PARD6B: variants seen among roughly 807,000 people sequenced by gnomAD.
The protein encoded by PARD6B is partitioning defective 6 homolog beta.
PARD6B carries 4 observed loss-of-function variants against 10.5 expected under a neutral mutation model. The ratio of observed to expected loss-of-function variants is 0.38; its 90% CI spans 0.19 to 0.87. The LOEUF (loss-of-function observed/expected upper bound fraction) is 0.87, where lower values mean the gene tolerates loss of function less well. Among genes scored for constraint, PARD6B ranks in the 40% least tolerant of loss-of-function variants. The probability of loss-of-function intolerance (pLI) is 0.41; values close to 1 mark genes in which losing one functional copy is unlikely to be tolerated. For synonymous variants in PARD6B, 169 were observed against 170.4 expected, an observed-to-expected ratio of 0.99 and a Z score of 0.07; for missense variants, 396 against 470.6, an observed-to-expected ratio of 0.84 and a Z score of 1.47.
Position 50,752,451 on chromosome 20 carries a change from G to A in PARD6B, c.*1963G>A. Reference sequence around the variant, plus strand: ...AGTTTATCACTATTAATTTTATGAGGCTATTTATTACTTTCCAATGCATCC... The same window carrying A: ...AGTTTATCACTATTAATTTTATGAGACTATTTATTACTTTCCAATGCATCC... On this transcript the variant is annotated 3_prime_UTR_variant, in exon 3 of 3. Transcript: ENST00000371610. The A allele has an allele frequency of 1.0e-6, 1 of 985,550 alleles. No homozygotes were observed. Among genetic ancestry groups the A allele is most frequent in the Non-Finnish European group, 1.2e-6 (1 of 829,758 alleles). 61.1% of individuals were successfully genotyped at this position (985,550 alleles called of 1,614,324 possible).
At chr20:50,745,657 C>A (rs2087563948) in intron 2 of PARD6B, among the ~76,000 whole-genome samples, 1 of 152,254 alleles carries the variant, frequency 6.6e-6, no homozygotes, top group Non-Finnish European at 1.5e-5. Context: ...AAACAAACCA[C>A]CATGCCCAGC....
In PARD6B at chr20:50,751,589, G is replaced by A. The variant is rs374753508; in HGVS notation, c.*1101G>A. On this transcript the variant is annotated 3_prime_UTR_variant, in exon 3 of 3. Coordinates refer to ENST00000371610, the MANE Select transcript of PARD6B (RefSeq NM_032521.3). ...TCTCAATCTCCTGACCTCCTGATCC[G>A]CCCGCCTCGGCCTCCCAAAGTGCTG... The A allele has an allele frequency of 2.1e-4, 200 of 964,164 alleles. 1 individual carries two copies. The African/African-American group carries it at 2.6e-3, about 13-fold the overall frequency. 59.7% of individuals were successfully genotyped at this position (964,164 alleles called of 1,614,324 possible). A position where few individuals can be genotyped will look rare whatever the true frequency, so the allele number is the denominator to read the frequency against.
At position 50,753,353 on chromosome 20, in the gene PARD6B, T is replaced by A. The variant is rs987379680; in HGVS notation, c.*2865T>A. ...TAGATCCTGGTTATACGATAAAATA[T>A]CAGCTCATTGGTAGGCTGAATCAAT... On this transcript the variant is annotated 3_prime_UTR_variant, in exon 3 of 3. Coordinates refer to ENST00000371610, the MANE Select transcript of PARD6B (RefSeq NM_032521.3). The A allele has an allele frequency of 1.0e-6, 1 of 985,456 alleles. No individual in the cohort carries two copies. The highest frequency in any genetic ancestry group is 1.7e-5 in the African/African-American group (1 of 57,360). 61.0% of individuals were successfully genotyped at this position (985,456 alleles called of 1,614,324 possible).
intron 2 of PARD6B, among the ~76,000 whole-genome samples, chr20:50,747,786 G>T (rs543471770): frequency 1.9e-3 from 290 of 151,890 alleles, no homozygotes; most frequent in Non-Finnish European, 3.1e-3. Context: ...ATTTAATTAG[G>T]CGGCAGTATT....
At chr20:50,743,532 T>C (rs1176271203) in intron 2 of PARD6B, among the ~76,000 whole-genome samples, 1 of 152,086 alleles carries the variant, frequency 6.6e-6, no homozygotes, top group East Asian at 1.9e-4. Context: ...TGAATCAGGG[T>C]TTAAAGTTGT....
rs1004781474 is a variant in PARD6B at position 50,753,456 on chromosome 20, CTG to C, written c.*2971_*2972del. The stretch of plus-strand genomic sequence containing the variant: ...TTATAGTACTAAATGTCAAGCCTAA[CTG>C]TGAATTTTGTTCTGTATCTTAAGTA... On this transcript the variant is annotated 3_prime_UTR_variant, in exon 3 of 3. Transcript: ENST00000371610. The C allele has an allele frequency of 8.3e-5, 81 of 981,362 alleles. No homozygotes were observed. The highest frequency in any genetic ancestry group is 1.6e-4 in the African/African-American group (9 of 57,116). 60.8% of individuals were successfully genotyped at this position (981,362 alleles called of 1,614,324 possible).
intron 2 of PARD6B, among the ~76,000 whole-genome samples, chr20:50,748,227 C>G (rs2087579972): frequency 6.6e-6 from 1 of 152,210 alleles, no homozygotes; most frequent in African/African-American, 2.4e-5. Flanking sequence ...CCTGTAATCC[C>G]AAGCCACTTG....
At chr20:50,740,391 ATGTGACAGAATTTTG>A (rs1186320849) in intron 2 of PARD6B, among the ~76,000 whole-genome samples, 2 of 152,254 alleles carry the variant, frequency 1.3e-5, no homozygotes, top group Non-Finnish European at 2.9e-5. Flanking sequence ...AAGTATTGCC[ATGTGACAGAATTTTG>A]TTGGATTATC....
chr20:50,746,790 G>A (rs927327217), intron 2 of PARD6B, among the ~76,000 whole-genome samples: 17 of 152,160 alleles, frequency 1.1e-4, no homozygotes, highest in African/African-American at 3.9e-4. Flanking sequence ...TGTAGGCAAC[G>A]TAATACTGTT....
chr20:50,743,369 A>C (rs931925217), intron 2 of PARD6B, among the ~76,000 whole-genome samples: 3 of 152,178 alleles, frequency 2.0e-5, no homozygotes, highest in Non-Finnish European at 4.4e-5. Context: ...GAACACTAGA[A>C]AGGCTTTGCT....
intron 2 of PARD6B, among the ~76,000 whole-genome samples, chr20:50,749,439 G>A (rs763987880): frequency 6.6e-6 from 1 of 151,996 alleles, no homozygotes; most frequent in Admixed American, 6.6e-5. Context: ...TTCAACATTG[G>A]TTTATTTTGT....
At chr20:50,749,602 A>C in intron 2 of PARD6B, 57 bp from the exon 3 acceptor site, 1 of 1,394,832 alleles carries the variant, frequency 7.2e-7, no homozygotes, top group East Asian at 2.4e-5. Context: ...ATTCAGCTGC[A>C]AGTGAATAGA....
chr20:50,752,852 C>T lies in PARD6B; in HGVS notation c.*2364C>T. 10 of 980,988 alleles carry T rather than the reference C, an allele frequency of 1.0e-5. No individual in the cohort carries two copies. Among genetic ancestry groups the T allele is most frequent in the Non-Finnish European group, 1.2e-5 (10 of 825,486 alleles). The allele number at this position is 980,988 out of a possible 1,614,324, so 60.8% of individuals were successfully genotyped here. A position where few individuals can be genotyped will look rare whatever the true frequency, so the allele number is the denominator to read the frequency against. On this transcript the variant is annotated 3_prime_UTR_variant, in exon 3 of 3. Transcript: ENST00000371610. Reference sequence around the variant, plus strand: ...TTATCAGTAAACTATTAACTGACTGCACATTATGTAATACGTTGTACTTTT... The same window carrying T: ...TTATCAGTAAACTATTAACTGACTGTACATTATGTAATACGTTGTACTTTT...
At chr20:50,748,599 T>C (rs138715267) in intron 2 of PARD6B, among the ~76,000 whole-genome samples, 2,191 of 152,298 alleles carry the variant, frequency 0.014, 15 homozygotes, top group Non-Finnish European at 0.024. Context: ...GTGATCATAG[T>C]GCGCTGCAGA....
intron 2 of PARD6B, among the ~76,000 whole-genome samples, chr20:50,748,275 C>T (rs1043796553): frequency 2.0e-5 from 3 of 152,186 alleles, no homozygotes; most frequent in East Asian, 3.9e-4. Context: ...ACCTGGGAGG[C>T]GGGGGTGGCA....
intron 2 of PARD6B, among the ~76,000 whole-genome samples, chr20:50,739,712 C>G (rs2087520257): frequency 6.6e-6 from 1 of 152,004 alleles, no homozygotes; most frequent in Non-Finnish European, 1.5e-5. Flanking sequence ...AGATGGATCT[C>G]AAAGGTAATT....
Position 50,737,947 on chromosome 20 carries a change from A to G in PARD6B, c.157A>G (p.Ile53Val). 3.1e-6 allele frequency: 5 copies of G among 1,613,648 alleles called. No individual in the cohort carries two copies. The highest frequency in any genetic ancestry group is 4.2e-6 in the Non-Finnish European group (5 of 1,179,888). The change falls in exon 2 of 3, where the codon ATC (isoleucine) becomes GTC (valine). Residue 53 changes from isoleucine to valine, a missense_variant. Ile to Val is a conservative substitution (Grantham distance 29, BLOSUM62 3). Transcript: ENST00000371610. ...FYGLLQHVHK[I>V]PNVDVLVGYA... ...TGGATTACTACAACATGTTCATAAG[A>G]TCCCCAATGTTGACGTTTTGGTAGG...
chr20:50,747,489 C>CTTTCTT (rs2087574684), intron 2 of PARD6B, among the ~76,000 whole-genome samples: 1 of 33,354 alleles, frequency 3.0e-5, no homozygotes, highest in Non-Finnish European at 5.1e-5. Context: ...TTCTTTCTTT[C>CTTTCTT]TTTTTTTTTT....
Position 50,752,264 on chromosome 20 carries a change from T to A in PARD6B, c.*1776T>A. The A allele has an allele frequency of 1.0e-6, 1 of 985,806 alleles. No homozygotes were observed. The highest frequency in any genetic ancestry group is 1.2e-6 in the Non-Finnish European group (1 of 829,920). The allele number at this position is 985,806 out of a possible 1,614,324, so 61.1% of individuals were successfully genotyped here. ...TTAATGCATCCAAGTATGCATCATT[T>A]TGGATAAAAAATACATCCAAATTAA... On this transcript the variant is annotated 3_prime_UTR_variant, in exon 3 of 3. Transcript: ENST00000371610.
Sources: allele counts gnomAD v4.1 joint callset (sites outside exome capture counted in the v4.1 genomes callset), GRCh38; gene constraint gnomAD v4.1.1; transcripts MANE v1.5; gene names NCBI Gene and HGNC (gene_info 2026-07-23, HGNC 2026-07-21).